Variants in AP2B1 observed in about 807,000 individuals in gnomAD.
AP2B1 encodes the protein adaptor related protein complex 2 subunit beta 1.
In AP2B1, 23 loss-of-function variants were observed where a neutral mutation model predicts 102.0. That is an observed-to-expected ratio of 0.23 (90% CI 0.16 to 0.32). The LOEUF is 0.32. Ranked by LOEUF, AP2B1 falls within the 10% of genes least tolerant of loss-of-function variation. AP2B1 has a pLI of 1.00. For missense variants in AP2B1, 541 were observed against 1,157.4 expected, an observed-to-expected ratio of 0.47 and a Z score of 7.73; for synonymous variants, 381 against 421.2, an observed-to-expected ratio of 0.90 and a Z score of 1.17.
Position 35,662,852 on chromosome 17 carries a change from G to A in AP2B1, c.1989+5061G>A, listed in dbSNP as rs189528491. The stretch of plus-strand genomic sequence containing the variant: ...TCTTTTACATAAACAGTGCTATTGT[G>A]TATATCAAAAATGGAAAGGAAGAAT... On this transcript the variant is annotated intron_variant, in intron 14 of 21. Coordinates refer to ENST00000610402, the MANE Select transcript of AP2B1 (RefSeq NM_001030006.2). Among the ~76,000 whole-genome samples, 62 of 152,226 alleles carry A rather than the reference G, an allele frequency of 4.1e-4. 1 individual carries two copies. Among genetic ancestry groups the A allele is most frequent in the Admixed American group, 3.7e-3 (56 of 15,290 alleles).
intron 2 of AP2B1, chr17:35,597,010 A>C: frequency 1.6e-6 from 1 of 634,860 alleles, no homozygotes; most frequent in Non-Finnish European, 2.9e-6. Flanking sequence ...TGCACGGTCC[A>C]GCTCGGACAC....
intron 19 of AP2B1, among the ~76,000 whole-genome samples, 163 bp downstream of exon 19, chr17:35,709,471 T>C (rs1303035376): frequency 6.6e-6 from 1 of 152,190 alleles, no homozygotes; most frequent in East Asian, 1.9e-4. Flanking sequence ...TTCTCCTGTG[T>C]CACAATTGTT....
chr17:35,681,412 T>G (rs1464418666), intron 17 of AP2B1, among the ~76,000 whole-genome samples: 1 of 152,226 alleles, frequency 6.6e-6, no homozygotes, highest in East Asian at 1.9e-4. Context: ...TGTTTTTGTA[T>G]TTTTAAAGAC....
chr17:35,626,815 G>A lies in AP2B1; in HGVS notation c.911G>A (p.Arg304Lys). 5 of 1,613,846 alleles carry A rather than the reference G, an allele frequency of 3.1e-6. No homozygotes were observed. The highest frequency in any genetic ancestry group is 4.2e-6 in the Non-Finnish European group (5 of 1,179,964). ...CCAGAAGTGCAGTATGTCGCCCTGA[G>A]GAACATCAACTTAATTGTCCAGAAA... is the stretch of plus-strand genomic sequence containing the variant. The part of the protein sequence containing the change: ...GEPEVQYVAL[R>K]NINLIVQKRP... The change falls in exon 7 of 22, where the codon AGG becomes AAG. Residue 304 changes from arginine (R) to lysine (K), a missense_variant. Transcript: ENST00000610402.
At chr17:35,680,165 C>T (rs1368036282) in intron 17 of AP2B1, among the ~76,000 whole-genome samples, 1 of 152,116 alleles carries the variant, frequency 6.6e-6, no homozygotes, top group Admixed American at 6.6e-5. Context: ...GCCTCGGCCT[C>T]CCAAAGTGCT....
chr17:35,715,911 G>A (rs1215159849), intron 20 of AP2B1, among the ~76,000 whole-genome samples: 2 of 152,190 alleles, frequency 1.3e-5, no homozygotes, highest in African/African-American at 4.8e-5. Flanking sequence ...AGCTGTCAGT[G>A]GTTTGAATGT....
chr17:35,720,930 G>A (rs587658679), intron 21 of AP2B1, among the ~76,000 whole-genome samples: 34 of 152,120 alleles, frequency 2.2e-4, no homozygotes, highest in Non-Finnish European at 4.3e-4. Context: ...GGTGGTAGAG[G>A]GGTATCAGAG....
At chr17:35,645,183 G>A (rs369471779) in intron 12 of AP2B1, among the ~76,000 whole-genome samples, 12 of 152,116 alleles carry the variant, frequency 7.9e-5, no homozygotes, top group African/African-American at 1.9e-4. Context: ...CAATGTGGTC[G>A]GCTGAATTGT....
rs1031337150 is a variant in AP2B1 at position 35,665,764 on chromosome 17, G to A, written c.1990-5093G>A. Among the ~76,000 whole-genome samples, 9 of 152,268 alleles carry A rather than the reference G, an allele frequency of 5.9e-5. No homozygotes were observed. The South Asian group carries it at 6.2e-4, about 11-fold the overall frequency. On this transcript the variant is annotated intron_variant, in intron 14 of 21. Coordinates refer to ENST00000610402, the MANE Select transcript of AP2B1 (RefSeq NM_001030006.2). ...TAGCTCTAAACAGGAGCATAGAAAT[G>A]TCTGAGCTTAAGATATACACCTGCA...
chr17:35,632,710 G>T (rs2074496383), intron 9 of AP2B1, among the ~76,000 whole-genome samples: 1 of 149,456 alleles, frequency 6.7e-6, no homozygotes, highest in Admixed American at 6.7e-5. Context: ...AATTTTCTTT[G>T]AAAATTAATA....
intron 17 of AP2B1, among the ~76,000 whole-genome samples, chr17:35,681,284 A>C (rs969035144): frequency 4.7e-4 from 71 of 152,236 alleles, no homozygotes; most frequent in African/African-American, 1.7e-3. Flanking sequence ...GTAAGTGAAA[A>C]AAAAAGGAAA....
At chr17:35,614,901 A>T (rs2073971107) in intron 5 of AP2B1, among the ~76,000 whole-genome samples, 1 of 152,134 alleles carries the variant, frequency 6.6e-6, no homozygotes, top group Non-Finnish European at 1.5e-5. Flanking sequence ...ACAGCATGGG[A>T]TTATGATGGT....
At chr17:35,608,975 A>G (rs183089448) in intron 5 of AP2B1, among the ~76,000 whole-genome samples, 8 of 152,346 alleles carry the variant, frequency 5.3e-5, no homozygotes, top group Admixed American at 1.3e-4. Context: ...GTTTGACTCC[A>G]GTAATAACTA....
intron 14 of AP2B1, among the ~76,000 whole-genome samples, chr17:35,670,601 T>A (rs1199391537): frequency 6.6e-6 from 1 of 152,198 alleles, no homozygotes; most frequent in Non-Finnish European, 1.5e-5. Flanking sequence ...AGATTGGATC[T>A]GAAACATCCC....
intron 2 of AP2B1, among the ~76,000 whole-genome samples, chr17:35,596,519 C>CTTTTT (rs35095177): frequency 4.2e-5 from 6 of 143,542 alleles, no homozygotes; most frequent in African/African-American, 1.5e-4. Context: ...CTATTTCTTT[C>CTTTTT]TTTTTTTTTT....
chr17:35,625,565 T>A (rs1402447251), intron 6 of AP2B1, among the ~76,000 whole-genome samples: 1 of 152,160 alleles, frequency 6.6e-6, no homozygotes, highest in Non-Finnish European at 1.5e-5. Flanking sequence ...TTCCAGGCTC[T>A]GAGGATACAG....
chr17:35,688,792 T>C (rs2075986307), intron 18 of AP2B1, among the ~76,000 whole-genome samples: 1 of 152,170 alleles, frequency 6.6e-6, no homozygotes, highest in South Asian at 2.1e-4. Flanking sequence ...GACGAAACCC[T>C]ATCTCTACTA....
At chr17:35,667,678 A>G (rs80218467) in intron 14 of AP2B1, among the ~76,000 whole-genome samples, 1,532 of 152,252 alleles carry the variant, frequency 0.01, 19 homozygotes, top group African/African-American at 0.035. Flanking sequence ...TCTTTTCTCA[A>G]TGCCTTTTAT....
chr17:35,604,015 T>C (rs1401788758), intron 3 of AP2B1, among the ~76,000 whole-genome samples: 1 of 152,162 alleles, frequency 6.6e-6, no homozygotes, highest in Non-Finnish European at 1.5e-5. Flanking sequence ...TAAGTGATCT[T>C]CCACGAATGG....
Sources: gnomAD v4.1 joint callset for allele counts (sites outside exome capture counted in the v4.1 genomes callset) on GRCh38, gnomAD v4.1.1 for gene constraint, MANE v1.5 for transcripts, NCBI Gene and HGNC (gene_info 2026-07-23, HGNC 2026-07-21) for gene names.